Variants in DRAXIN observed in about 807,000 individuals in gnomAD.
The protein encoded by DRAXIN is dorsal inhibitory axon guidance protein.
In DRAXIN, 27 loss-of-function variants were observed where a neutral mutation model predicts 33.9. The observed-to-expected ratio is 0.80, with a 90% confidence interval of 0.59 to 1.10. The LOEUF (loss-of-function observed/expected upper bound fraction) is 1.10, where lower values mean the gene tolerates loss of function less well. Among genes scored for constraint, DRAXIN ranks in the 50% least tolerant of loss-of-function variants. The pLI, the probability that DRAXIN is intolerant of heterozygous loss-of-function variation, is 0.00. For missense variants in DRAXIN, 371 were observed against 460.8 expected, an observed-to-expected ratio of 0.81 and a Z score of 1.78; for synonymous variants, 178 against 194.0, an observed-to-expected ratio of 0.92 and a Z score of 0.69.
chr1:11,706,565 G>T lies in DRAXIN; in HGVS notation c.307G>T (p.Ala103Ser). The T allele has an allele frequency of 1.2e-6, 2 of 1,610,234 alleles. No homozygotes were observed. The highest frequency in any genetic ancestry group is 2.2e-5 in the South Asian group (2 of 90,780). ...GGGGCTGCTGCCTGAGCAGAGTCCT[G>T]CAGGCCTGCTGCAGGACAAGGACCT... ...AEGLLPEQSPAGLLQDKDLLL... is the reference protein window; with the variant it reads ...AEGLLPEQSPSGLLQDKDLLL... Residue 103 changes from alanine (A) to serine (S), a missense_variant, in exon 2 of 7, where the codon GCA (alanine) becomes TCA (serine). Coordinates refer to ENST00000294485, the MANE Select transcript of DRAXIN (RefSeq NM_198545.4). The surrounding 1 kb of genome is among the most constrained non-coding windows in gnomAD (Gnocchi z 5.5).
At chr1:11,717,944 C>T (rs1297009866) in intron 6 of DRAXIN, among the ~76,000 whole-genome samples, 2 of 133,428 alleles carry the variant, frequency 1.5e-5, no homozygotes, top group Non-Finnish European at 3.1e-5. Context: ...TGCAGTGAGC[C>T]GAGATCTTGC....
chr1:11,712,727 C>T (rs940540027), intron 5 of DRAXIN, among the ~76,000 whole-genome samples: 1 of 151,684 alleles, frequency 6.6e-6, no homozygotes, highest in African/African-American at 2.4e-5. Flanking sequence ...GGCGAAACCC[C>T]ATCGCTACTA....
rs1411279012 is a variant in DRAXIN at position 11,722,431 on chromosome 1, C to A, written c.*2735C>A. The A allele has an allele frequency of 3.3e-5, 5 of 152,202 alleles. No individual in the cohort carries two copies. Among genetic ancestry groups the A allele is most frequent in the African/African-American group, 1.2e-4 (5 of 41,440 alleles). The allele number at this position is 152,202 out of a possible 1,614,324, so 9.4% of individuals were successfully genotyped here. A position where few individuals can be genotyped will look rare whatever the true frequency, so the allele number is the denominator to read the frequency against. On this transcript the variant is annotated 3_prime_UTR_variant, in exon 7 of 7. Coordinates refer to ENST00000294485, the MANE Select transcript of DRAXIN (RefSeq NM_198545.4). ...ATGGTTGGAAATTCAAGGCCCGTCTCTTTGCCCTAGCTATCTCTATTTGAC... is the reference window on the plus strand; with the variant it reads ...ATGGTTGGAAATTCAAGGCCCGTCTATTTGCCCTAGCTATCTCTATTTGAC...
Position 11,696,559 on chromosome 1 carries a change from C to A in DRAXIN, c.-11+4706C>A, listed in dbSNP as rs1249159332. On this transcript the variant is annotated intron_variant, in intron 1 of 6. Coordinates refer to ENST00000294485, the MANE Select transcript of DRAXIN (RefSeq NM_198545.4). The surrounding 1 kb of genome is among the most constrained non-coding windows in gnomAD (Gnocchi z 4.7). Reference sequence around the variant, plus strand: ...TGAGATTGTGCCATCGCACTCCAGCCTGGGCAACAAGAGCAAAAATCTGTC... The same window carrying A: ...TGAGATTGTGCCATCGCACTCCAGCATGGGCAACAAGAGCAAAAATCTGTC... Among the ~76,000 whole-genome samples the A allele has an allele frequency of 6.6e-6, 1 of 152,054 alleles. No homozygotes were observed. Among genetic ancestry groups the A allele is most frequent in the Admixed American group, 6.6e-5 (1 of 15,260 alleles).
the DRAXIN span, among the ~76,000 whole-genome samples, chr1:11,686,699 G>A: frequency 1.3e-4 from 19 of 151,474 alleles, no homozygotes; most frequent in Admixed American, 2.0e-4. Flanking sequence ...CACTGCGCCC[G>A]GCCCAGAGAC....
chr1:11,710,697 A>G (rs11121809), intron 3 of DRAXIN, among the ~76,000 whole-genome samples: 52,988 of 146,010 alleles, frequency 0.36, 9,928 homozygotes, highest in East Asian at 0.53. Context: ...GGCAGATCAC[A>G]AGGTCAGGAA....
chr1:11,710,639 G>C (rs896028076), intron 3 of DRAXIN, among the ~76,000 whole-genome samples: 4 of 151,990 alleles, frequency 2.6e-5, no homozygotes, highest in African/African-American at 9.7e-5. Context: ...TTCAGGCCGG[G>C]CGCGGTGGCT....
At chr1:11,719,555 T>C (rs1482619003) in intron 6 of DRAXIN, 29 bp from the exon 7 acceptor site, 1 of 1,583,970 alleles carries the variant, frequency 6.3e-7, no homozygotes, top group East Asian at 2.3e-5. Context: ...CCTTCGCGCC[T>C]CTGACCCCCC....
chr1:11,709,143 G>C (rs1641435473), intron 2 of DRAXIN, 132 bp from the exon 3 acceptor site: 1 of 937,948 alleles, frequency 1.1e-6, no homozygotes, highest in African/African-American at 1.7e-5. Context: ...AGCAGGAATG[G>C]GGGCTGAACC....
intron 1 of DRAXIN, among the ~76,000 whole-genome samples, chr1:11,693,620 G>A (rs1411194238): frequency 1.3e-5 from 2 of 152,144 alleles, no homozygotes; most frequent in Admixed American, 6.5e-5. Context: ...GGCAAGAACG[G>A]CTGGATATCC....
At chr1:11,711,636 A>C (rs1325736533) in intron 3 of DRAXIN, among the ~76,000 whole-genome samples, 1 of 152,176 alleles carries the variant, frequency 6.6e-6, no homozygotes. Flanking sequence ...GTCCTTCTTG[A>C]GTAATGGCTG....
upstream of DRAXIN, among the ~76,000 whole-genome samples, chr1:11,687,967 G>A (rs150232896): frequency 3.1e-4 from 47 of 152,252 alleles, no homozygotes; most frequent in African/African-American, 1.1e-3. The surrounding 1 kb of genome is among the most constrained non-coding windows in gnomAD (Gnocchi z 4.1). Context: ...TGGGATAGGA[G>A]TCCAGGCCTC....
chr1:11,712,527 T>C (rs1411053969), intron 5 of DRAXIN, 98 bp downstream of exon 5: 2 of 1,197,730 alleles, frequency 1.7e-6, no homozygotes, highest in Non-Finnish European at 2.5e-6. Context: ...CTGAGAATCC[T>C]TGACCCTTCA....
At position 11,694,664 on chromosome 1, in the gene DRAXIN, G is replaced by A. The variant is rs376282866; in HGVS notation, c.-11+2811G>A. ...GCATGTTCCTGGGGGGCAGGTCATA[G>A]GAGCACCCCTGTTCTGGCCCAGTGG... On this transcript the variant is annotated intron_variant, in intron 1 of 6. Transcript: ENST00000294485. This position sits in a 1 kb window ranked among gnomAD's most constrained non-coding sequence, Gnocchi z 4.9. Among the ~76,000 whole-genome samples, 18 of 152,116 alleles carry A rather than the reference G, an allele frequency of 1.2e-4. 2 individuals are homozygous for A. The highest frequency in any genetic ancestry group is 2.1e-4 in the South Asian group (1 of 4,822).
rs1641353275 is a variant in DRAXIN, at chr1:11,704,747, G to A, written c.-10-1502G>A. ...CTAGTATCTTCAGCCAGATCCCCGG[G>A]ATAGGGGACAAGATGGAAAGTGACG... On this transcript the variant is annotated intron_variant, in intron 1 of 6. Coordinates refer to ENST00000294485, the MANE Select transcript of DRAXIN (RefSeq NM_198545.4). This position sits in a 1 kb window ranked among gnomAD's most constrained non-coding sequence, Gnocchi z 4.6. Among the ~76,000 whole-genome samples, 1 of 152,220 alleles carries A rather than the reference G, an allele frequency of 6.6e-6. No individual in the cohort carries two copies. The highest frequency in any genetic ancestry group is 6.5e-5 in the Admixed American group (1 of 15,284).
intron 1 of DRAXIN, among the ~76,000 whole-genome samples, chr1:11,701,379 C>T (rs764872232): frequency 3.3e-5 from 5 of 152,098 alleles, no homozygotes; most frequent in Non-Finnish European, 7.4e-5. Context: ...GCCTCGGTTT[C>T]GTCATTTTAA....
chr1:11,698,462 C>G (rs6658124), intron 1 of DRAXIN, among the ~76,000 whole-genome samples: 121,386 of 152,220 alleles, frequency 0.8, 49,186 homozygotes, highest in African/African-American at 0.95. Context: ...ATGGGGCTTC[C>G]GGACTGCACT....
chr1:11,716,364 A>G (rs191461015), intron 6 of DRAXIN, among the ~76,000 whole-genome samples: 170 of 152,364 alleles, frequency 1.1e-3, no homozygotes, highest in Admixed American at 1.7e-3. Context: ...TTCACCTGTG[A>G]ATATTTTAGT....
intron 4 of DRAXIN, 62 bp from the exon 5 acceptor site, chr1:11,712,278 C>T (rs865980038): frequency 1.3e-6 from 2 of 1,588,780 alleles, no homozygotes; most frequent in Non-Finnish European, 1.7e-6. Flanking sequence ...CATCTGAGTC[C>T]CTGTGCTTAA....
Sources: allele counts gnomAD v4.1 joint callset (sites outside exome capture counted in the v4.1 genomes callset), GRCh38; gene constraint gnomAD v4.1.1; non-coding constraint Gnocchi (gnomAD v3.1); transcripts MANE v1.5; gene names NCBI Gene and HGNC (gene_info 2026-07-23, HGNC 2026-07-21).